RMDN1: variants seen among roughly 807,000 people sequenced by gnomAD.
The protein encoded by RMDN1 is regulator of microtubule dynamics 1.
RMDN1 carries 48 observed loss-of-function variants against 48.9 expected under a neutral mutation model. That is an observed-to-expected ratio of 0.98 (90% confidence interval 0.78 to 1.25). The LOEUF is 1.25. RMDN1 is among the 50% of genes most tolerant of loss of function. RMDN1 has a pLI of 0.00. For synonymous variants in RMDN1, 148 were observed against 132.6 expected (o/e 1.12, Z -0.80); for missense variants, 418 against 373.4 (o/e 1.12, Z -0.98).
Position 86,473,984 on chromosome 8 carries a change from C to A in RMDN1, c.*324G>T, listed in dbSNP as rs971366996. ...TATATCCCCTATAGATCCATTTCCC[C>A]TCCTCTACAAATATTTCTTTGCTTG... On this transcript the variant is annotated 3_prime_UTR_variant, in exon 10 of 10. Transcript: ENST00000406452. 8 of 1,068,064 alleles carry A rather than the reference C, an allele frequency of 7.5e-6. No homozygotes were observed. In the Admixed American group the frequency reaches 2.9e-4, roughly 39 times the overall value. The allele number at this position is 1,068,064 out of a possible 1,614,324, so 66.2% of individuals were successfully genotyped here. A position where few individuals can be genotyped will look rare whatever the true frequency, so the allele number is the denominator to read the frequency against.
At chr8:86,480,720 TAA>T (rs1390445867) in intron 5 of RMDN1, among the ~76,000 whole-genome samples, 7 of 152,204 alleles carry the variant, frequency 4.6e-5, no homozygotes, top group African/African-American at 1.7e-4. Context: ...GAATACTGAA[TAA>T]AAGTCATTCT....
At chr8:86,504,590 T>A (rs765353021) in intron 2 of RMDN1, 3 of 1,040,106 alleles carry the variant, frequency 2.9e-6, no homozygotes, top group Non-Finnish European at 1.5e-6. Flanking sequence ...ACCCTGCATA[T>A]GATAGGCCTT....
chr8:86,503,996 T>C (rs1284590587), intron 2 of RMDN1: 2 of 775,978 alleles, frequency 2.6e-6, no homozygotes, highest in East Asian at 2.4e-5. Context: ...TTTATGCCCA[T>C]GTACATTGGA....
chr8:86,495,036 T>G (rs557423748), intron 2 of RMDN1: 1 of 330,950 alleles, frequency 3.0e-6, no homozygotes, highest in Non-Finnish European at 6.0e-6. Context: ...TTTGAAAAAC[T>G]AGAGGAGCCA....
intron 2 of RMDN1, among the ~76,000 whole-genome samples, chr8:86,501,921 A>T (rs998752244): frequency 8.6e-5 from 12 of 140,312 alleles, no homozygotes; most frequent in African/African-American, 2.4e-4. Flanking sequence ...AAATACATTT[A>T]AAAAAAAAAA....
At chr8:86,500,223 C>T (rs1817985105) in intron 2 of RMDN1, among the ~76,000 whole-genome samples, 1 of 152,026 alleles carries the variant, frequency 6.6e-6, no homozygotes, top group Non-Finnish European at 1.5e-5. Context: ...AAGAAACTAT[C>T]GACAGGTTTC....
At position 86,508,634 on chromosome 8, in the gene RMDN1, C is replaced by A. The variant is rs1819822717; in HGVS notation, c.-14G>T. The A allele has an allele frequency of 6.3e-7, 1 of 1,594,646 alleles. No individual in the cohort carries two copies. The highest frequency in any genetic ancestry group is 8.5e-7 in the Non-Finnish European group (1 of 1,171,192). On this transcript the variant is annotated 5_prime_UTR_variant, in exon 1 of 10. Coordinates refer to ENST00000406452, the MANE Select transcript of RMDN1 (RefSeq NM_016033.3). ...AGCCAGCGCCATGACCTGCAACTTG[C>A]GGGCTGACCCTGCACTACTTCAGGC... is the stretch of plus-strand genomic sequence containing the variant.
intron 2 of RMDN1, among the ~76,000 whole-genome samples, chr8:86,506,722 G>T (rs1819424333): frequency 6.6e-6 from 1 of 152,106 alleles, no homozygotes; most frequent in Non-Finnish European, 1.5e-5. Context: ...TGGTCACGGA[G>T]ACTTCAAATA....
intron 1 of RMDN1, chr8:86,508,202 G>A (rs964112438): frequency 8.0e-6 from 3 of 373,602 alleles, no homozygotes; most frequent in African/African-American, 6.3e-5. Flanking sequence ...CAGCGGTCAA[G>A]GTTCTTTCCC....
intron 2 of RMDN1, among the ~76,000 whole-genome samples, chr8:86,495,631 C>T (rs1383714131): frequency 1.3e-5 from 2 of 152,088 alleles, no homozygotes; most frequent in Non-Finnish European, 2.9e-5. Flanking sequence ...CTGGCCGCAC[C>T]CGTAGGCAGC....
intron 3 of RMDN1, among the ~76,000 whole-genome samples, chr8:86,487,549 T>C (rs1202996524): frequency 6.6e-6 from 1 of 151,986 alleles, no homozygotes; most frequent in Admixed American, 6.6e-5. Flanking sequence ...GATTGCGCCA[T>C]TGCACTCCAG....
chr8:86,494,322 G>A (rs1162272318), intron 2 of RMDN1, among the ~76,000 whole-genome samples: 2 of 152,264 alleles, frequency 1.3e-5, no homozygotes, highest in Middle Eastern at 3.4e-3. Context: ...TTGGGAGGCC[G>A]GGGTGGGCAG....
At chr8:86,470,641 T>TA (rs1450237876), downstream of RMDN1, among the ~76,000 whole-genome samples, 1 of 152,178 alleles carries the variant, frequency 6.6e-6, no homozygotes, top group East Asian at 1.9e-4. Context: ...AAATCAGGAA[T>TA]AACCTAAATG....
chr8:86,503,854 T>G (rs1586774490), intron 2 of RMDN1: 1 of 612,806 alleles, frequency 1.6e-6, no homozygotes, highest in East Asian at 3.4e-5. Flanking sequence ...CAGGTGCAAT[T>G]CAATGCTTAT....
upstream of RMDN1, among the ~76,000 whole-genome samples, chr8:86,511,664 G>C (rs943371979): frequency 2.6e-5 from 4 of 151,706 alleles, no homozygotes; most frequent in Non-Finnish European, 4.4e-5. Context: ...ACAAAAATTA[G>C]CCAGACACGG....
intron 2 of RMDN1, among the ~76,000 whole-genome samples, chr8:86,497,222 C>T (rs1466546141): frequency 3.3e-5 from 5 of 152,094 alleles, no homozygotes; most frequent in Non-Finnish European, 4.4e-5. Flanking sequence ...AACATAATAT[C>T]TAGAGGAAGC....
chr8:86,510,533 T>C (rs953527718), upstream of RMDN1, among the ~76,000 whole-genome samples: 1 of 152,300 alleles, frequency 6.6e-6, no homozygotes, highest in South Asian at 2.1e-4. Flanking sequence ...CTTGGCACAA[T>C]TGAACTTTTG....
In RMDN1 at chr8:86,488,125, C is replaced by T. The variant is rs1586671701; in HGVS notation, c.335+427G>A. Among the ~76,000 whole-genome samples, 3 of 152,220 alleles carry T rather than the reference C, an allele frequency of 2.0e-5. No homozygotes were observed. In the South Asian group the frequency reaches 6.2e-4, roughly 32 times the overall value. On this transcript the variant is annotated intron_variant, in intron 3 of 9. Transcript: ENST00000406452. Reference sequence around the variant, plus strand: ...ATTTTTGGTTTCTCTGAAAGACTATCCTTCTAAAGTAATACACAGTTACCA... The same window carrying T: ...ATTTTTGGTTTCTCTGAAAGACTATTCTTCTAAAGTAATACACAGTTACCA...
intron 2 of RMDN1, among the ~76,000 whole-genome samples, chr8:86,496,872 T>C (rs370792329): frequency 2.0e-5 from 3 of 152,050 alleles, no homozygotes; most frequent in East Asian, 3.9e-4. Context: ...CACTCTAAGA[T>C]AGGCCACATG....
Sources: allele counts gnomAD v4.1 joint callset (sites outside exome capture counted in the v4.1 genomes callset), GRCh38; gene constraint gnomAD v4.1.1; transcripts MANE v1.5; gene names NCBI Gene and HGNC (gene_info 2026-07-23, HGNC 2026-07-21).